TMEM184C: variants seen among roughly 807,000 people sequenced by gnomAD.
TMEM184C encodes transmembrane protein 34.
In TMEM184C, 25 loss-of-function variants were observed where a neutral mutation model predicts 54.5. The ratio of observed to expected loss-of-function variants is 0.46; its 90% confidence interval spans 0.33 to 0.64. TMEM184C has a LOEUF of 0.64. Ranked by LOEUF, TMEM184C falls within the 30% of genes least tolerant of loss-of-function variation. The pLI, the probability that TMEM184C is intolerant of heterozygous loss-of-function variation, is 0.02. For synonymous variants in TMEM184C, 148 were observed against 181.5 expected, an observed-to-expected ratio of 0.82 and a Z score of 1.49; for missense variants, 335 against 520.3, an observed-to-expected ratio of 0.64 and a Z score of 3.46.
At chr4:147,629,458 T>G in intron 5 of TMEM184C, 141 bp from the exon 6 acceptor site, 1 of 590,210 alleles carries the variant, frequency 1.7e-6, no homozygotes, top group Non-Finnish European at 2.8e-6. Context: ...TAAACTGACT[T>G]CTAAATTCTC....
chr4:147,631,322 G>C, intron 6 of TMEM184C, 71 bp from the exon 7 acceptor site: 1 of 1,156,688 alleles, frequency 8.6e-7, no homozygotes, highest in South Asian at 1.5e-5. Context: ...CCAGGTCTCT[G>C]GTATGTAACT....
At chr4:147,624,273 TTA>T (rs1264640550) in intron 3 of TMEM184C, among the ~76,000 whole-genome samples, 175 bp downstream of exon 3, 1 of 152,162 alleles carries the variant, frequency 6.6e-6, no homozygotes, top group East Asian at 1.9e-4. Flanking sequence ...ATGTAAAATG[TTA>T]TATTATAAAT....
chr4:147,627,803 G>GGGA (rs1036892146), intron 4 of TMEM184C, among the ~76,000 whole-genome samples: 1 of 149,936 alleles, frequency 6.7e-6, no homozygotes, highest in African/African-American at 2.5e-5. Context: ...AGGCTGAGGT[G>GGGA]GGAGGATCAC....
chr4:147,624,863 T>C lies in TMEM184C; in HGVS notation c.351T>C (p.Tyr117=), dbSNP rs1732784061. 6.2e-7 allele frequency: 1 copy of C among 1,613,812 alleles called. No individual in the cohort carries two copies. The highest frequency in any genetic ancestry group is 8.5e-7 in the Non-Finnish European group (1 of 1,179,874). Reference sequence around the variant, plus strand: ...ATGTGGATACCTGCAGAGAATGCTATGAAGCTTATGTAATTTACAACTTTA... The same window carrying C: ...ATGTGGATACCTGCAGAGAATGCTACGAAGCTTATGTAATTTACAACTTTA... The part of the protein sequence containing the change: ...AIYVDTCREC[Y]EAYVIYNFMG... The change falls in exon 4 of 10, where the codon TAT becomes TAC. Residue 117 remains tyrosine (Y), a synonymous_variant. Coordinates refer to ENST00000296582, the MANE Select transcript of TMEM184C (RefSeq NM_018241.3).
intron 8 of TMEM184C, among the ~76,000 whole-genome samples, 189 bp downstream of exon 8, chr4:147,633,191 G>C (rs562591511): frequency 2.0e-5 from 3 of 152,054 alleles, no homozygotes; most frequent in African/African-American, 7.2e-5. Flanking sequence ...ATAAAACCTG[G>C]ATTTCATTAT....
chr4:147,620,549 G>A (rs1434678422), intron 1 of TMEM184C, among the ~76,000 whole-genome samples: 1 of 152,218 alleles, frequency 6.6e-6, no homozygotes, highest in African/African-American at 2.4e-5. Flanking sequence ...TTATGGTAGT[G>A]AGAGGTGTTG....
intron 1 of TMEM184C, among the ~76,000 whole-genome samples, chr4:147,619,382 C>T (rs969665553): frequency 2.8e-4 from 43 of 151,578 alleles, no homozygotes; most frequent in African/African-American, 9.9e-4. Flanking sequence ...ATTTTTAGTA[C>T]AGACGGGGTT....
rs11400483 is a variant in TMEM184C, at chr4:147,623,645, A to ATT, written c.124-178_124-177dup. Among the ~76,000 whole-genome samples, 715 of 142,562 alleles carry ATT rather than the reference A, an allele frequency of 5.0e-3. 5 individuals are homozygous for ATT. The highest frequency in any genetic ancestry group is 7.8e-3 in the Non-Finnish European group (515 of 66,104). 93.5% of individuals were successfully genotyped at this position (142,562 alleles called of 152,430 possible). A position where few individuals can be genotyped will look rare whatever the true frequency, so the allele number is the denominator to read the frequency against. The stretch of plus-strand genomic sequence containing the variant: ...CCCACAAATTTTTTTCAATTTTTTA[A>ATT]TTTTTTTTTTTTGTAGTGACGGGTT... On this transcript the variant is annotated intron_variant, in intron 1 of 9. Transcript: ENST00000296582.
In TMEM184C at chr4:147,617,677, G is replaced by T; in HGVS notation, c.-280G>T. 2.6e-6 allele frequency: 1 copy of T among 388,626 alleles called. No homozygotes were observed. The highest frequency in any genetic ancestry group is 4.9e-6 in the Non-Finnish European group (1 of 202,460). The allele number at this position is 388,626 out of a possible 1,614,324, so 24.1% of individuals were successfully genotyped here. A position where few individuals can be genotyped will look rare whatever the true frequency, so the allele number is the denominator to read the frequency against. On this transcript the variant is annotated 5_prime_UTR_variant, in exon 1 of 10. Coordinates refer to ENST00000296582, the MANE Select transcript of TMEM184C (RefSeq NM_018241.3). Reference sequence around the variant, plus strand: ...CCAGGTGAGGGCAGCGGCTCTGCCTGGGATTCCACCGCAGTACAACCGGGT... The same window carrying T: ...CCAGGTGAGGGCAGCGGCTCTGCCTTGGATTCCACCGCAGTACAACCGGGT...
At chr4:147,623,702 T>G (rs990021938) in intron 1 of TMEM184C, 132 bp from the exon 2 acceptor site, 91 of 758,700 alleles carry the variant, frequency 1.2e-4, no homozygotes, top group Middle Eastern at 7.6e-4. Flanking sequence ...GGTTTCAAAC[T>G]CCTGGCCTCA....
At position 147,632,388 on chromosome 4, in the gene TMEM184C, G is replaced by A. The variant is rs181908720; in HGVS notation, c.780-515G>A. Among the ~76,000 whole-genome samples, 10 of 152,024 alleles carry A rather than the reference G, an allele frequency of 6.6e-5. No individual in the cohort carries two copies. In the East Asian group the frequency reaches 1.4e-3, roughly 21 times the overall value. On this transcript the variant is annotated intron_variant, in intron 7 of 9. Coordinates refer to ENST00000296582, the MANE Select transcript of TMEM184C (RefSeq NM_018241.3). ...CATACTATAAAAATTTTTGGAATTCGACAATGTTCAGTAGTATATTGTAGA... is the reference window on the plus strand; with the variant it reads ...CATACTATAAAAATTTTTGGAATTCAACAATGTTCAGTAGTATATTGTAGA...
intron 6 of TMEM184C, among the ~76,000 whole-genome samples, chr4:147,629,969 T>A (rs1332338595): frequency 1.3e-5 from 2 of 151,678 alleles, no homozygotes; most frequent in Non-Finnish European, 3.0e-5. Context: ...ATTGCATAGC[T>A]GTATGAGTAT....
At position 147,635,610 on chromosome 4, in the gene TMEM184C, C is replaced by T. The variant is rs1733012965; in HGVS notation, c.*1176C>T. 1.3e-5 allele frequency: 2 copies of T among 152,108 alleles called. No individual in the cohort carries two copies. The highest frequency in any genetic ancestry group is 2.9e-5 in the Non-Finnish European group (2 of 68,008). 9.4% of individuals were successfully genotyped at this position (152,108 alleles called of 1,614,324 possible). ...TTTGCTTTATGTATTTATACACATA[C>T]TCATTCATATCTATCTATATATATA... On this transcript the variant is annotated 3_prime_UTR_variant, in exon 10 of 10. Coordinates refer to ENST00000296582, the MANE Select transcript of TMEM184C (RefSeq NM_018241.3).
At chr4:147,621,192 C>T (rs552533388) in intron 1 of TMEM184C, among the ~76,000 whole-genome samples, 1 of 152,080 alleles carries the variant, frequency 6.6e-6, no homozygotes, top group African/African-American at 2.4e-5. Context: ...AACCTCAGCA[C>T]ATTTACCTCA....
chr4:147,630,016 AAT>A (rs1321876254), intron 6 of TMEM184C, among the ~76,000 whole-genome samples: 92 of 151,920 alleles, frequency 6.1e-4, no homozygotes, highest in African/African-American at 2.2e-3. Flanking sequence ...TAAAAAAAAA[AAT>A]ACACACACAC....
intron 4 of TMEM184C, among the ~76,000 whole-genome samples, chr4:147,625,360 G>A (rs887433668): frequency 1.3e-5 from 2 of 152,198 alleles, no homozygotes; most frequent in Non-Finnish European, 2.9e-5. Context: ...GATAATGTAG[G>A]TTGTAGAACC....
At chr4:147,629,475 C>T in intron 5 of TMEM184C, 124 bp from the exon 6 acceptor site, 2 of 655,112 alleles carry the variant, frequency 3.1e-6, no homozygotes, top group Middle Eastern at 3.8e-4. Context: ...TCTCTGTGTC[C>T]AAAGTCAAGT....
chr4:147,633,339 G>A (rs775929309), intron 8 of TMEM184C, among the ~76,000 whole-genome samples: 5 of 151,486 alleles, frequency 3.3e-5, no homozygotes, highest in Non-Finnish European at 5.9e-5. Flanking sequence ...ACTCACGCCT[G>A]TAATCCTAGC....
intron 9 of TMEM184C, 76 bp downstream of exon 9, chr4:147,634,012 T>G (rs765912128): frequency 2.7e-5 from 41 of 1,542,494 alleles, no homozygotes; most frequent in Non-Finnish European, 3.6e-5. Flanking sequence ...CAATTTATTA[T>G]CTATTTAGAG....
Sources: allele counts gnomAD v4.1 joint callset (sites outside exome capture counted in the v4.1 genomes callset), GRCh38; gene constraint gnomAD v4.1.1; transcripts MANE v1.5; gene names NCBI Gene and HGNC (gene_info 2026-07-23, HGNC 2026-07-21).